The following AEBP2 variants were observed in gnomAD, a reference collection of about 807,000 sequenced individuals.
The protein encoded by AEBP2 is zinc finger protein AEBP2.
AEBP2 carries 10 observed loss-of-function variants against 50.8 expected under a neutral mutation model. The observed-to-expected ratio is 0.20, with a 90% confidence interval of 0.12 to 0.33. The LOEUF (loss-of-function observed/expected upper bound fraction) is 0.33. Ranked by LOEUF, AEBP2 falls within the 10% of genes least tolerant of loss-of-function variation. The probability of loss-of-function intolerance (pLI) is 1.00; values close to 1 mark genes in which losing one functional copy is unlikely to be tolerated. For synonymous variants in AEBP2, 296 were observed against 261.3 expected (o/e 1.13, Z -1.28); for missense variants, 570 against 688.0 (o/e 0.83, Z 1.92).
At chr12:19,419,604 A>T (rs547138767) in intron 1 of AEBP2, among the ~76,000 whole-genome samples, 170 of 147,164 alleles carry the variant, frequency 1.2e-3, no homozygotes, top group African/African-American at 3.9e-3. Flanking sequence ...ATAATAATAA[A>T]AAAAAAAAGA....
chr12:19,437,486 A>G (rs79249132), upstream of AEBP2, among the ~76,000 whole-genome samples: 5,470 of 152,062 alleles, frequency 0.036, 244 homozygotes, highest in Admixed American at 0.14. Flanking sequence ...TGAACCTCCC[A>G]CTTCAGCCTC....
intron 1 of AEBP2, among the ~76,000 whole-genome samples, chr12:19,444,912 T>G (rs1175810954): frequency 6.6e-6 from 1 of 152,174 alleles, no homozygotes; most frequent in Non-Finnish European, 1.5e-5. Flanking sequence ...GTATTTATTT[T>G]GAGACAGAGT....
chr12:19,431,715 C>T (rs1338276099), intron 1 of AEBP2, among the ~76,000 whole-genome samples: 9 of 152,146 alleles, frequency 5.9e-5, no homozygotes, highest in African/African-American at 2.2e-4. Flanking sequence ...AATGGGAAAA[C>T]TTGCATCAGA....
chr12:19,467,459 T>G (rs960558446), intron 2 of AEBP2, among the ~76,000 whole-genome samples: 3 of 152,120 alleles, frequency 2.0e-5, no homozygotes, highest in East Asian at 1.9e-4. Context: ...ACACCTGACT[T>G]ACTTTTGTAT....
rs781172705 is a variant in AEBP2, at chr12:19,507,721, C to T, written c.1300-4677C>T. Among the ~76,000 whole-genome samples, 13 of 152,178 alleles carry T rather than the reference C, an allele frequency of 8.5e-5. No homozygotes were observed. In the East Asian group the frequency reaches 2.1e-3, roughly 25 times the overall value. ...GACATCCATAATGAGATAAGGTCTT[C>T]GCTGGACACAATAGAAAGGAAAGGA... On this transcript the variant is annotated intron_variant, in intron 5 of 7. Transcript: ENST00000266508.
chr12:19,480,434 GT>G lies in AEBP2; in HGVS notation c.987+7083del, dbSNP rs547106954. 1.1e-4 allele frequency among the ~76,000 whole-genome samples: 17 copies of G among 152,288 alleles called. No individual in the cohort carries two copies. In the East Asian group the frequency reaches 3.3e-3, roughly 29 times the overall value. ...AGGTTCTATTTTGGTGTGTTTCGAGGTTTTATTTCAAGATTTAGAACTTCTT... is the reference window on the plus strand; with the variant it reads ...AGGTTCTATTTTGGTGTGTTTCGAGGTTTATTTCAAGATTTAGAACTTCTT... On this transcript the variant is annotated intron_variant, in intron 3 of 7. Coordinates refer to ENST00000266508, the MANE Select transcript of AEBP2 (RefSeq NM_153207.5).
chr12:19,459,248 T>C (rs1948327924), intron 1 of AEBP2, among the ~76,000 whole-genome samples: 1 of 152,204 alleles, frequency 6.6e-6, no homozygotes, highest in African/African-American at 2.4e-5. Flanking sequence ...TTTCTTTTTT[T>C]TGAGACAGAG....
chr12:19,488,102 G>A (rs1338749252), intron 3 of AEBP2, among the ~76,000 whole-genome samples: 2 of 151,298 alleles, frequency 1.3e-5, no homozygotes, highest in Non-Finnish European at 2.9e-5. Context: ...TTTTACATAA[G>A]GAACTGAGGC....
At chr12:19,458,602 A>G (rs1308403638) in intron 1 of AEBP2, among the ~76,000 whole-genome samples, 3 of 152,192 alleles carry the variant, frequency 2.0e-5, no homozygotes, top group Admixed American at 1.3e-4. Flanking sequence ...CAGATTTTGG[A>G]CTTTTTTATA....
At chr12:19,465,198 G>T (rs1239799069) in intron 2 of AEBP2, among the ~76,000 whole-genome samples, 2 of 151,822 alleles carry the variant, frequency 1.3e-5, no homozygotes, top group Admixed American at 1.3e-4. Context: ...TTTGAGACCA[G>T]CCTGGCCAAT....
At position 19,493,714 on chromosome 12, in the gene AEBP2, C is replaced by T. The variant is rs71530939; in HGVS notation, c.988-86C>T. 1.5e-3 allele frequency: 1,954 copies of T among 1,291,216 alleles called. 10 individuals are homozygous for T. In the African/African-American group the frequency reaches 0.018, roughly 12 times the overall value. 80.0% of individuals were successfully genotyped at this position (1,291,216 alleles called of 1,614,324 possible). On this transcript the variant is annotated intron_variant, in intron 3 of 7. Coordinates refer to ENST00000266508, the MANE Select transcript of AEBP2 (RefSeq NM_153207.5). ...TTCTATTGTACTACTTATTTACTTCCGAAAATACTAGATATTCACTCATTG... is the reference window on the plus strand; with the variant it reads ...TTCTATTGTACTACTTATTTACTTCTGAAAATACTAGATATTCACTCATTG...
intron 1 of AEBP2, among the ~76,000 whole-genome samples, chr12:19,433,832 T>A (rs1316469833): frequency 1.3e-5 from 2 of 152,088 alleles, no homozygotes; most frequent in Non-Finnish European, 2.9e-5. Flanking sequence ...CTCTAGTTTT[T>A]AAATTTTTAT....
At chr12:19,457,763 C>G (rs1344235467) in intron 1 of AEBP2, 1 of 492,114 alleles carries the variant, frequency 2.0e-6, no homozygotes, top group African/African-American at 2.0e-5. Flanking sequence ...CAAAATGTCA[C>G]AGCAGCATCA....
upstream of AEBP2, among the ~76,000 whole-genome samples, chr12:19,436,156 G>C (rs1381893044): frequency 1.3e-5 from 2 of 152,144 alleles, no homozygotes; most frequent in Non-Finnish European, 2.9e-5. Context: ...TCTGGTCATC[G>C]TAGCTACTCA....
At chr12:19,463,340 G>A (rs1465594670) in intron 2 of AEBP2, among the ~76,000 whole-genome samples, 1 of 152,228 alleles carries the variant, frequency 6.6e-6, no homozygotes, top group Non-Finnish European at 1.5e-5. Flanking sequence ...TAAGCCAAAA[G>A]TAATGTGCCA....
chr12:19,500,367 G>T, intron 5 of AEBP2, 146 bp downstream of exon 5: 1 of 819,266 alleles, frequency 1.2e-6, no homozygotes, highest in Non-Finnish European at 1.8e-6. Context: ...TTAAAACATT[G>T]TATTATTGGT....
At chr12:19,457,109 T>C (rs1386855818) in intron 1 of AEBP2, 6 of 1,601,138 alleles carry the variant, frequency 3.7e-6, no homozygotes, top group Non-Finnish European at 4.2e-6. Context: ...TTAATTTAAG[T>C]GTTGACTTCC....
At chr12:19,474,403 CTTTT>C (rs1413545894) in intron 3 of AEBP2, among the ~76,000 whole-genome samples, 2 of 152,024 alleles carry the variant, frequency 1.3e-5, no homozygotes, top group African/African-American at 2.4e-5. Flanking sequence ...TAAAAACAAC[CTTTT>C]TGGAAAAAGC....
At chr12:19,504,304 G>T (rs1040588794) in intron 5 of AEBP2, among the ~76,000 whole-genome samples, 1 of 151,252 alleles carries the variant, frequency 6.6e-6, no homozygotes, top group African/African-American at 2.4e-5. Flanking sequence ...GCGCGATCTC[G>T]GCTCACTGCA....
Sources: allele counts gnomAD v4.1 joint callset (sites outside exome capture counted in the v4.1 genomes callset), GRCh38; gene constraint gnomAD v4.1.1; transcripts MANE v1.5; gene names NCBI Gene and HGNC (gene_info 2026-07-23, HGNC 2026-07-21).